VARS2: variants seen among roughly 807,000 people sequenced by gnomAD.
VARS2 encodes the protein valyl-tRNA synthetase 2, mitochondrial, also known as valine--tRNA ligase, mitochondrial.
A neutral mutation model predicts 154.1 loss-of-function variants in VARS2; 105 were observed. The ratio of observed to expected loss-of-function variants is 0.68; its 90% CI spans 0.58 to 0.80. The LOEUF (loss-of-function observed/expected upper bound fraction) is 0.80, where lower values mean the gene tolerates loss of function less well. VARS2 is among the 30% of genes least tolerant of loss of function. VARS2 has a pLI of 0.00. For synonymous variants in VARS2, 483 were observed against 539.5 expected (o/e 0.90, Z 1.45); for missense variants, 1,157 against 1,361.4 (o/e 0.85, Z 2.36).
intron 22 of VARS2, 49 bp from the exon 23 acceptor site, chr6:30,922,849 C>T: frequency 1.9e-6 from 3 of 1,580,374 alleles, no homozygotes; most frequent in Non-Finnish European, 2.6e-6. Flanking sequence ...AGGTCCTGGC[C>T]CTGCAGCCAC....
intron 4 of VARS2, 77 bp downstream of exon 4, chr6:30,915,532 T>A: frequency 6.7e-7 from 1 of 1,497,140 alleles, no homozygotes; most frequent in Non-Finnish European, 9.2e-7. Flanking sequence ...ACCTCAGAGT[T>A]GAGCTCACAT....
rs1227786642 is a variant in VARS2 at position 30,916,975 on chromosome 6, C to T, written c.753+16C>T. 7 of 1,613,982 alleles carry T rather than the reference C, an allele frequency of 4.3e-6. No individual in the cohort carries two copies. Among genetic ancestry groups the T allele is most frequent in the Non-Finnish European group, 5.9e-6 (7 of 1,180,022 alleles). The stretch of plus-strand genomic sequence containing the variant: ...CATGGATGTTGTGAGTGTTCTGTGC[C>T]TTGGTCCCTGTGAGTGATGGGCGAT... On this transcript the variant is annotated intron_variant, in intron 8 of 29. Coordinates refer to ENST00000676266, the MANE Select transcript of VARS2 (RefSeq NM_020442.6). This position sits in a 1 kb window ranked among gnomAD's most constrained non-coding sequence, Gnocchi z 4.0.
rs750818404 is a variant in VARS2, at chr6:30,916,287, C to CA, written c.671+39dup. On this transcript the variant is annotated intron_variant, in intron 7 of 29. Transcript: ENST00000676266. The surrounding 1 kb of genome is among the most constrained non-coding windows in gnomAD (Gnocchi z 4.0). ...GGCAGGACTCGGGGGGCCCAGATGGCAGATTTGGTTTCTTGCCTCCCACCA... is the reference window on the plus strand; with the variant it reads ...GGCAGGACTCGGGGGGCCCAGATGGCAAGATTTGGTTTCTTGCCTCCCACCA... The CA allele has an allele frequency of 1.6e-4, 252 of 1,560,938 alleles. 1 individual carries two copies. Among genetic ancestry groups the CA allele is most frequent in the Non-Finnish European group, 1.7e-4 (200 of 1,147,752 alleles).
intron 11 of VARS2, 47 bp downstream of exon 11, chr6:30,918,962 C>T (rs1794343395): frequency 1.3e-6 from 2 of 1,544,060 alleles, no homozygotes; most frequent in African/African-American, 1.4e-5. Context: ...CGCCAATGGC[C>T]TTCTCTTCTC....
Position 30,921,569 on chromosome 6 carries a change from A to T in VARS2, c.1633-20A>T, listed in dbSNP as rs768087106. The stretch of plus-strand genomic sequence containing the variant: ...CAGCTGTTCTTCCTCACTCTCCCCA[A>T]CCCCTTCCTACTTTTGCAGGGAGAA... On this transcript the variant is annotated intron_variant, in intron 17 of 29. Transcript: ENST00000676266. The surrounding 1 kb of genome is among the most constrained non-coding windows in gnomAD (Gnocchi z 4.6). 58 of 1,591,720 alleles carry T rather than the reference A, an allele frequency of 3.6e-5. No individual in the cohort carries two copies. The highest frequency in any genetic ancestry group is 4.7e-5 in the Non-Finnish European group (55 of 1,171,278).
Position 30,922,457 on chromosome 6 carries a change from T to G in VARS2, c.1940T>G (p.Leu647Arg). The change falls in exon 21 of 30, where the codon CTT (leucine) becomes CGT (arginine). Residue 647 changes from leucine (L) to arginine (R), a missense_variant. Leu to Arg is a moderately radical substitution (Grantham distance 102, BLOSUM62 -2). Transcript: ENST00000676266. ...TGQLPFSKVLLHPMVRDRQGR... is the reference protein window; with the variant it reads ...TGQLPFSKVLRHPMVRDRQGR... ...ACCCCTCCCTGCCCCCAGGTGCTTC[T>G]TCATCCCATGGTTCGGGACAGGCAG... 2 of 1,605,632 alleles carry G rather than the reference T, an allele frequency of 1.2e-6. No homozygotes were observed. Among genetic ancestry groups the G allele is most frequent in the Non-Finnish European group, 1.7e-6 (2 of 1,176,708 alleles).
chr6:30,916,166 A>G lies in VARS2; in HGVS notation c.588A>G (p.Lys196=), dbSNP rs546842896. 1.2e-6 allele frequency: 2 copies of G among 1,613,966 alleles called. No individual in the cohort carries two copies. Among genetic ancestry groups the G allele is most frequent in the Admixed American group, 1.7e-5 (1 of 60,012 alleles). ...TCCAACTGCAGGCTGTGGTGGAGAA[A>G]CAACTGTGGAAGGAACGGGGAGTGA... The part of the protein sequence containing the change: ...AGIATQAVVE[K]QLWKERGVRR... Residue 196 remains lysine (K), a synonymous_variant, in exon 7 of 30, where the codon AAA becomes AAG. Transcript: ENST00000676266. This position sits in a 1 kb window ranked among gnomAD's most constrained non-coding sequence, Gnocchi z 4.0.
rs1187904139 is a variant in VARS2 at position 30,923,509 on chromosome 6, A to G, written c.2466+4A>G. On this transcript the variant is annotated splice_donor_region_variant and intron_variant, in intron 25 of 29. Coordinates refer to ENST00000676266, the MANE Select transcript of VARS2 (RefSeq NM_020442.6). ...CAACCTCTGTGACGTCTACCTGGTGAGTGAGGCTGGGGGAGGCTTGGTATT... is the reference window on the plus strand; with the variant it reads ...CAACCTCTGTGACGTCTACCTGGTGGGTGAGGCTGGGGGAGGCTTGGTATT... The G allele has an allele frequency of 8.7e-6, 14 of 1,607,298 alleles. No homozygotes were observed. Among genetic ancestry groups the G allele is most frequent in the Non-Finnish European group, 1.1e-5 (13 of 1,177,382 alleles).
chr6:30,917,567 C>T lies in VARS2; in HGVS notation c.874-128C>T, dbSNP rs952358031. 9 of 900,656 alleles carry T rather than the reference C, an allele frequency of 1.0e-5. No homozygotes were observed. The highest frequency in any genetic ancestry group is 5.1e-5 in the African/African-American group (3 of 59,254). 55.8% of individuals were successfully genotyped at this position (900,656 alleles called of 1,614,324 possible). A position where few individuals can be genotyped will look rare whatever the true frequency, so the allele number is the denominator to read the frequency against. ...GGTGAGGGCAGAGGGAGGTAGCTCC[C>T]GAATCCTCCAAATGGCTTTTAGATG... On this transcript the variant is annotated intron_variant, in intron 9 of 29. Coordinates refer to ENST00000676266, the MANE Select transcript of VARS2 (RefSeq NM_020442.6). This position sits in a 1 kb window ranked among gnomAD's most constrained non-coding sequence, Gnocchi z 4.4.
At position 30,921,299 on chromosome 6, in the gene VARS2, T is replaced by C. The variant is rs1301909847; in HGVS notation, c.1626T>C (p.His542=). 4 of 1,614,102 alleles carry C rather than the reference T, an allele frequency of 2.5e-6. No homozygotes were observed. The highest frequency in any genetic ancestry group is 3.4e-6 in the Non-Finnish European group (4 of 1,179,998). ...QIPAYLVVED[H]AQGEEDCWVV... The stretch of plus-strand genomic sequence containing the variant: ...CAGCCTACCTGGTTGTAGAGGACCA[T>C]GCGCAGGTGGGTAGGAAGAAGCACC... The change falls in exon 17 of 30, where the codon CAT becomes CAC. Residue 542 remains histidine, a synonymous_variant. Transcript: ENST00000676266. The surrounding 1 kb of genome is among the most constrained non-coding windows in gnomAD (Gnocchi z 4.6).
chr6:30,920,595 G>T lies in VARS2; in HGVS notation c.1398-73G>T, dbSNP rs1794448182. 7.2e-7 allele frequency: 1 copy of T among 1,390,604 alleles called. No homozygotes were observed. 86.1% of individuals were successfully genotyped at this position (1,390,604 alleles called of 1,614,324 possible). A position where few individuals can be genotyped will look rare whatever the true frequency, so the allele number is the denominator to read the frequency against. ...TCCTCAGTACCAAGGGCCTGGCATG[G>T]CATGGGGTCTTGTGCCCCTGGGAGA... is the stretch of plus-strand genomic sequence containing the variant. On this transcript the variant is annotated intron_variant, in intron 14 of 29. Coordinates refer to ENST00000676266, the MANE Select transcript of VARS2 (RefSeq NM_020442.6). The surrounding 1 kb of genome is among the most constrained non-coding windows in gnomAD (Gnocchi z 4.6).
intron 1 of VARS2, 54 bp downstream of exon 1, chr6:30,914,398 G>A (rs966098657): frequency 1.6e-6 from 2 of 1,264,846 alleles, no homozygotes; most frequent in African/African-American, 1.5e-5. Context: ...CGGGTCCTGG[G>A]CCCAGGCCTT....
rs1170973515 is a variant in VARS2, at chr6:30,920,870, G to C, written c.1479+121G>C. The C allele has an allele frequency of 3.6e-6, 4 of 1,096,120 alleles. No individual in the cohort carries two copies. Among genetic ancestry groups the C allele is most frequent in the Non-Finnish European group, 5.1e-6 (4 of 777,446 alleles). 67.9% of individuals were successfully genotyped at this position (1,096,120 alleles called of 1,614,324 possible). Reference sequence around the variant, plus strand: ...GAAGACCTCTCCAGCTGTGGTAACTGAGAGGATGTGTGGGATGGAGGCTGG... The same window carrying C: ...GAAGACCTCTCCAGCTGTGGTAACTCAGAGGATGTGTGGGATGGAGGCTGG... On this transcript the variant is annotated intron_variant, in intron 15 of 29. Transcript: ENST00000676266. The surrounding 1 kb of genome is among the most constrained non-coding windows in gnomAD (Gnocchi z 4.6).
chr6:30,918,754 C>G lies in VARS2; in HGVS notation c.986-73C>G. 6.4e-6 allele frequency: 8 copies of G among 1,252,256 alleles called. 1 individual carries two copies. The highest frequency in any genetic ancestry group is 9.2e-6 in the Non-Finnish European group (8 of 867,238). The allele number at this position is 1,252,256 out of a possible 1,614,324, so 77.6% of individuals were successfully genotyped here. On this transcript the variant is annotated intron_variant, in intron 10 of 29. Coordinates refer to ENST00000676266, the MANE Select transcript of VARS2 (RefSeq NM_020442.6). ...CTGCCCCTTCCCCTTTCCAGTTCTACTGCCTTTAGCTATGTTGGCAGTGAG... is the reference window on the plus strand; with the variant it reads ...CTGCCCCTTCCCCTTTCCAGTTCTAGTGCCTTTAGCTATGTTGGCAGTGAG...
chr6:30,926,217 A>G lies in VARS2; in HGVS notation c.*7A>G. 1.9e-6 allele frequency: 3 copies of G among 1,612,958 alleles called. No individual in the cohort carries two copies. Among genetic ancestry groups the G allele is most frequent in the Non-Finnish European group, 1.7e-6 (2 of 1,179,914 alleles). On this transcript the variant is annotated 3_prime_UTR_variant, in exon 30 of 30. Coordinates refer to ENST00000676266, the MANE Select transcript of VARS2 (RefSeq NM_020442.6). ...AGGGAGCCCGGAGCTCTAACTCATC[A>G]TCCCCATCAGTTTTCCTCCCTCTCA... is the stretch of plus-strand genomic sequence containing the variant.
Position 30,917,026 on chromosome 6 carries a change from A to T in VARS2, c.753+67A>T. 6.2e-7 allele frequency: 1 copy of T among 1,613,444 alleles called. No homozygotes were observed. The highest frequency in any genetic ancestry group is 8.5e-7 in the Non-Finnish European group (1 of 1,179,484). On this transcript the variant is annotated intron_variant, in intron 8 of 29. Transcript: ENST00000676266. The surrounding 1 kb of genome is among the most constrained non-coding windows in gnomAD (Gnocchi z 4.4). The stretch of plus-strand genomic sequence containing the variant: ...GTTTAGGGATCTGTGTGGGGCAGGG[A>T]GGAAGCAATGCCTGGGTCCCTGAGC...
rs532447524 is a variant in VARS2, at chr6:30,923,017, C to T, written c.2185+41C>T. The T allele has an allele frequency of 2.3e-5, 37 of 1,603,364 alleles. No homozygotes were observed. In the East Asian group the frequency reaches 2.9e-4, roughly 13 times the overall value. ...GGGTGTCGGGGTGAGCAGAGGGCAG[C>T]GGGCACCTGTGCAGGGGCAGGGCAG... On this transcript the variant is annotated intron_variant, in intron 23 of 29. Transcript: ENST00000676266.
chr6:30,923,447 C>T lies in VARS2; in HGVS notation c.2408C>T (p.Ser803Leu), dbSNP rs1418135349. Residue 803 changes from serine to leucine, a missense_variant, in exon 25 of 30, where the codon TCG becomes TTG. Transcript: ENST00000676266. ...CERGFLTREL[S>L]LVTHALHHFW... The stretch of plus-strand genomic sequence containing the variant: ...CGGGGCTTCCTCACCCGAGAGCTCT[C>T]GCTCGTCACTCATGCCCTGCACCAC... 11 of 1,612,116 alleles carry T rather than the reference C, an allele frequency of 6.8e-6. No homozygotes were observed. The highest frequency in any genetic ancestry group is 1.7e-5 in the Admixed American group (1 of 60,010).
chr6:30,924,602 G>A lies in VARS2; in HGVS notation c.2673+42G>A, dbSNP rs747197139. On this transcript the variant is annotated intron_variant, in intron 26 of 29. Coordinates refer to ENST00000676266, the MANE Select transcript of VARS2 (RefSeq NM_020442.6). Reference sequence around the variant, plus strand: ...TTGGAGTGGGTCTGTGGGTGAATGGGGGGGAGCACCTTCTGAAGGGGTTTG... The same window carrying A: ...TTGGAGTGGGTCTGTGGGTGAATGGAGGGGAGCACCTTCTGAAGGGGTTTG... The A allele has an allele frequency of 6.4e-5, 68 of 1,061,086 alleles. No individual in the cohort carries two copies. In the East Asian group the frequency reaches 7.0e-4, roughly 11 times the overall value. 65.7% of individuals were successfully genotyped at this position (1,061,086 alleles called of 1,614,324 possible). A position where few individuals can be genotyped will look rare whatever the true frequency, so the allele number is the denominator to read the frequency against.
Sources: allele counts gnomAD v4.1 joint callset, GRCh38; gene constraint gnomAD v4.1.1; non-coding constraint Gnocchi (gnomAD v3.1); transcripts MANE v1.5; gene names NCBI Gene and HGNC (gene_info 2026-07-23, HGNC 2026-07-21).